Variants in CLEC2D observed in about 807,000 individuals in gnomAD.
CLEC2D encodes C-type lectin related f.
A neutral mutation model predicts 20.0 loss-of-function variants in CLEC2D; 16 were observed. The ratio of observed to expected loss-of-function variants is 0.80; its 90% CI spans 0.54 to 1.22. The LOEUF (loss-of-function observed/expected upper bound fraction) is 1.22, where lower values mean the gene tolerates loss of function less well. CLEC2D is among the 50% of genes most tolerant of loss of function. The pLI, the probability that CLEC2D is intolerant of heterozygous loss-of-function variation, is 0.00. For synonymous variants in CLEC2D, 77 were observed against 71.1 expected, an observed-to-expected ratio of 1.08 and a Z score of -0.42; for missense variants, 207 against 221.5, an observed-to-expected ratio of 0.93 and a Z score of 0.42.
intron 1 of CLEC2D, 77 bp downstream of exon 1, chr12:9,669,872 A>C: frequency 8.4e-7 from 1 of 1,183,732 alleles, no homozygotes; most frequent in South Asian, 1.2e-5. Flanking sequence ...TCACACAGGA[A>C]AGGTGCTGAT....
chr12:9,694,804 A>G lies in CLEC2D; in HGVS notation c.506A>G (p.Lys169Arg). Reference sequence around the variant, plus strand: ...GGAGAGTGTGCCTATTTGAATGACAAAGGTGCCAGTAGTGCCAGGCACTAC... The same window carrying G: ...GGAGAGTGTGCCTATTTGAATGACAGAGGTGCCAGTAGTGCCAGGCACTAC... ...GAGECAYLND[K>R]GASSARHYTE... Residue 169 changes from lysine (K) to arginine (R), a missense_variant, in exon 5 of 5, where the codon AAA (lysine) becomes AGA (arginine). Lys to Arg is a conservative substitution (Grantham distance 26, BLOSUM62 2). Coordinates refer to ENST00000290855, the MANE Select transcript of CLEC2D (RefSeq NM_013269.6). 6.2e-7 allele frequency: 1 copy of G among 1,613,226 alleles called. No homozygotes were observed. Among genetic ancestry groups the G allele is most frequent in the Non-Finnish European group, 8.5e-7 (1 of 1,179,316 alleles).
intron 2 of CLEC2D, among the ~76,000 whole-genome samples, chr12:9,685,660 G>GA (rs1865732821): frequency 6.6e-6 from 1 of 152,180 alleles, no homozygotes; most frequent in African/African-American, 2.4e-5. Flanking sequence ...ACTGTGAGGG[G>GA]AAAATCACCT....
chr12:9,688,054 G>A lies in CLEC2D; in HGVS notation c.325G>A (p.Asp109Asn), dbSNP rs142058665. The A allele has an allele frequency of 2.1e-5, 33 of 1,609,452 alleles. No individual in the cohort carries two copies. The African/African-American group carries it at 4.2e-4, about 20-fold the overall frequency. ...SQRFCDSQDA[D>N]LAQVESFQEL... ...GAGGTTTTGTGACTCACAAGATGCT[G>A]ATCTTGCTCAGGTTGAAAGCTTCCA... Residue 109 changes from aspartate (D) to asparagine (N), a missense_variant, in exon 3 of 5, where the codon GAT becomes AAT. By Grantham distance (23) the Asp-to-Asn change is conservative. Transcript: ENST00000290855.
intron 1 of CLEC2D, among the ~76,000 whole-genome samples, chr12:9,674,569 T>C (rs1697440281): frequency 6.6e-6 from 1 of 152,248 alleles, no homozygotes; most frequent in Non-Finnish European, 1.5e-5. Flanking sequence ...GTATGTTTTC[T>C]TTTGTAAGAA....
In CLEC2D at chr12:9,695,589, CA is replaced by C. The variant is rs1350745347; in HGVS notation, c.*716del. 3.9e-5 allele frequency: 59 copies of C among 1,531,310 alleles called. No individual in the cohort carries two copies. The highest frequency in any genetic ancestry group is 5.0e-5 in the Non-Finnish European group (56 of 1,119,938). The allele number at this position is 1,531,310 out of a possible 1,614,324, so 94.9% of individuals were successfully genotyped here. ...AAGCAGAGGCCATGAATGACGAAGG[CA>C]GTCCAATTAAAGTAACACTGGCAAC... is the stretch of plus-strand genomic sequence containing the variant. On this transcript the variant is annotated 3_prime_UTR_variant, in exon 5 of 5. Transcript: ENST00000290855.
At chr12:9,670,032 GGT>G (rs1591684473) in intron 1 of CLEC2D, among the ~76,000 whole-genome samples, 1 of 51,438 alleles carries the variant, frequency 1.9e-5, no homozygotes, top group East Asian at 1.5e-3. Context: ...AATGAGATAA[GGT>G]TAAGTTTAGG....
chr12:9,687,815 CAGAA>C (rs1341548291), intron 2 of CLEC2D, 83 bp from the exon 3 acceptor site: 2 of 753,754 alleles, frequency 2.7e-6, no homozygotes, highest in East Asian at 3.3e-5. Flanking sequence ...ACAGGAGTGT[CAGAA>C]AGTATATTAG....
At position 9,681,000 on chromosome 12, in the gene CLEC2D, A is replaced by G. The variant is rs2120923185; in HGVS notation, c.139A>G (p.Ile47Val). 3.7e-6 allele frequency: 6 copies of G among 1,600,904 alleles called. No individual in the cohort carries two copies. The highest frequency in any genetic ancestry group is 4.3e-6 in the Non-Finnish European group (5 of 1,168,844). ...ATTTTTCTTAATCATGTTTCTGACAATCATAGTGTGTGGAATGGTTGCTGC... is the reference window on the plus strand; with the variant it reads ...ATTTTTCTTAATCATGTTTCTGACAGTCATAGTGTGTGGAATGGTTGCTGC... ...RLFFLIMFLTIIVCGMVAALS... is the reference protein window; with the variant it reads ...RLFFLIMFLTVIVCGMVAALS... The change falls in exon 2 of 5, where the codon ATC becomes GTC. Residue 47 changes from isoleucine (I) to valine (V), a missense_variant. Physicochemically the swap from Ile to Val is conservative, Grantham distance 29. Coordinates refer to ENST00000290855, the MANE Select transcript of CLEC2D (RefSeq NM_013269.6).
At chr12:9,671,463 G>A (rs1380414276) in intron 1 of CLEC2D, among the ~76,000 whole-genome samples, 2 of 151,916 alleles carry the variant, frequency 1.3e-5, no homozygotes, top group Non-Finnish European at 2.9e-5. Context: ...TTTGTGATCC[G>A]CCCGCCTCGG....
At chr12:9,687,722 T>G (rs1865778476) in intron 2 of CLEC2D, among the ~76,000 whole-genome samples, 180 bp from the exon 3 acceptor site, 1 of 152,220 alleles carries the variant, frequency 6.6e-6, no homozygotes, top group Admixed American at 6.5e-5. Context: ...ATCTCAGTTT[T>G]GCCATTTGCT....
chr12:9,678,183 G>A (rs143607968), intron 1 of CLEC2D, among the ~76,000 whole-genome samples: 1 of 152,222 alleles, frequency 6.6e-6, no homozygotes, highest in African/African-American at 2.4e-5. Context: ...ACATAACATA[G>A]TTTCTTGGAA....
Position 9,689,430 on chromosome 12 carries a change from CA to C in CLEC2D, c.357+1353del, listed in dbSNP as rs756252552. ...CATAGTATTCATAATGTCCAGTTCT[CA>C]AAAAAAAATTACAAAACATGCAAAG... On this transcript the variant is annotated intron_variant, in intron 3 of 4. Transcript: ENST00000290855. 2.9e-4 allele frequency among the ~76,000 whole-genome samples: 44 copies of C among 150,828 alleles called. No individual in the cohort carries two copies. The East Asian group carries it at 8.0e-3, about 27-fold the overall frequency.
At chr12:9,692,016 C>T (rs765920470) in intron 3 of CLEC2D, among the ~76,000 whole-genome samples, 1 of 152,324 alleles carries the variant, frequency 6.6e-6, no homozygotes, top group South Asian at 2.1e-4. Context: ...CAAGGAAACA[C>T]AGCAAAGGAA....
chr12:9,672,515 C>T (rs770048754), intron 1 of CLEC2D, among the ~76,000 whole-genome samples: 4 of 152,112 alleles, frequency 2.6e-5, no homozygotes, highest in Non-Finnish European at 5.9e-5. Context: ...TTTTTTCTTC[C>T]ATTTCGACCT....
chr12:9,679,541 G>A (rs1565465794), intron 1 of CLEC2D, among the ~76,000 whole-genome samples: 1 of 152,056 alleles, frequency 6.6e-6, no homozygotes, highest in Non-Finnish European at 1.5e-5. Context: ...GAATGTAAAT[G>A]TCATTTTTAT....
rs1287829353 is a variant in CLEC2D at position 9,698,054 on chromosome 12, A to G, written c.*3180A>G. 1 of 152,194 alleles carries G rather than the reference A, an allele frequency of 6.6e-6. No homozygotes were observed. Among genetic ancestry groups the G allele is most frequent in the African/African-American group, 2.4e-5 (1 of 41,444 alleles). 9.4% of individuals were successfully genotyped at this position (152,194 alleles called of 1,614,324 possible). On this transcript the variant is annotated 3_prime_UTR_variant, in exon 5 of 5. Transcript: ENST00000290855. Reference sequence around the variant, plus strand: ...AAGCACATTGGGAGATACATGATAAATTTCTATCTGCAGTTGCTATTTGCA... The same window carrying G: ...AAGCACATTGGGAGATACATGATAAGTTTCTATCTGCAGTTGCTATTTGCA...
At chr12:9,670,323 A>G (rs1414486135) in intron 1 of CLEC2D, among the ~76,000 whole-genome samples, 1 of 152,212 alleles carries the variant, frequency 6.6e-6, no homozygotes, top group African/African-American at 2.4e-5. Flanking sequence ...AGTAAGTGAA[A>G]AAAATGACTT....
intron 3 of CLEC2D, among the ~76,000 whole-genome samples, chr12:9,689,961 A>G (rs932977246): frequency 3.9e-5 from 6 of 152,134 alleles, no homozygotes; most frequent in Non-Finnish European, 7.4e-5. Flanking sequence ...GAAATAATGA[A>G]CAAAACTTTC....
chr12:9,677,707 C>CTTTTTTTTTTTTTTTTTTTTTTTTTTTT (rs36120151), intron 1 of CLEC2D, among the ~76,000 whole-genome samples: 1 of 122,434 alleles, frequency 8.2e-6, no homozygotes, highest in African/African-American at 3.1e-5. Flanking sequence ...TTCTTTCTTT[C>CTTTTTTTTTTTTTTTTTTTTTTTTTTTT]TTTTTTTTTT....
Sources: gnomAD v4.1 joint callset for allele counts (sites outside exome capture counted in the v4.1 genomes callset) on GRCh38, gnomAD v4.1.1 for gene constraint, MANE v1.5 for transcripts, NCBI Gene and HGNC (gene_info 2026-07-23, HGNC 2026-07-21) for gene names.